ARHGAP22: variants seen among roughly 807,000 people sequenced by gnomAD.
ARHGAP22 encodes Rho GTPase activating protein 22, also known as rho GTPase-activating protein 22.
A neutral mutation model predicts 59.1 loss-of-function variants in ARHGAP22; 48 were observed. The ratio of observed to expected loss-of-function variants is 0.81; its 90% CI spans 0.64 to 1.03. The LOEUF is 1.03. Ranked by LOEUF, ARHGAP22 falls within the 50% of genes least tolerant of loss-of-function variation. ARHGAP22 has a pLI of 0.00. For synonymous variants in ARHGAP22, 445 were observed against 416.4 expected (o/e 1.07, Z -0.84); for missense variants, 1,015 against 958.7 (o/e 1.06, Z -0.78).
At chr10:48,639,838 C>T (rs974601351) in intron 1 of ARHGAP22, among the ~76,000 whole-genome samples, 2 of 151,742 alleles carry the variant, frequency 1.3e-5, no homozygotes, top group East Asian at 3.9e-4. Flanking sequence ...AAAAGTGTGA[C>T]TCATATGTAA....
At position 48,644,634 on chromosome 10, in the gene ARHGAP22, C is replaced by A. The variant is rs377663832; in HGVS notation, c.52+7600G>T. Among the ~76,000 whole-genome samples the A allele has an allele frequency of 3.9e-5, 6 of 152,008 alleles. No individual in the cohort carries two copies. The South Asian group carries it at 1.0e-3, about 26-fold the overall frequency. ...AACAACAGAAAGCGATTTTGGAAAC[C>A]CTCAAATATTTGGAAGTTGAACAAC... On this transcript the variant is annotated intron_variant, in intron 1 of 9. Transcript: ENST00000435790.
chr10:48,531,669 AGAAGTGAGGGCACCGAAGTACAG>A (rs1424609925), intron 3 of ARHGAP22, among the ~76,000 whole-genome samples: 4 of 4,360 alleles, frequency 9.2e-4, no homozygotes, highest in East Asian at 2.3e-3. Context: ...CGAAGTACAG[AGAAGTGAGGGCACCGAAGTACAG>A]AGAAGTGAAG....
chr10:48,566,321 A>T (rs991746129), intron 2 of ARHGAP22, among the ~76,000 whole-genome samples: 1 of 152,158 alleles, frequency 6.6e-6, no homozygotes, highest in Non-Finnish European at 1.5e-5. Context: ...CCAGGAACTG[A>T]ATGTCTCTGA....
At chr10:48,520,214 C>T (rs1027865383) in intron 3 of ARHGAP22, among the ~76,000 whole-genome samples, 5 of 152,136 alleles carry the variant, frequency 3.3e-5, no homozygotes, top group South Asian at 2.1e-4. Flanking sequence ...GAGGGAATCT[C>T]GGAGGCATTT....
rs143321875 is a variant in ARHGAP22 at position 48,489,935 on chromosome 10, G to A, written c.323-10171C>T. Among the ~76,000 whole-genome samples the A allele has an allele frequency of 4.4e-3, 671 of 152,094 alleles. 3 individuals are homozygous for A. The highest frequency in any genetic ancestry group is 0.016 in the African/African-American group (649 of 41,470). On this transcript the variant is annotated intron_variant, in intron 3 of 9. Transcript: ENST00000249601. ...TTTTTAGTAGAGATGGGGTTTCACC[G>A]TGTTAGCCAGGATGGTCTGGATCTC...
At chr10:48,599,709 A>G (rs2098762716) in intron 1 of ARHGAP22, among the ~76,000 whole-genome samples, 1 of 152,188 alleles carries the variant, frequency 6.6e-6, no homozygotes, top group Non-Finnish European at 1.5e-5. Flanking sequence ...TCTGTGGCCC[A>G]TCAGTTCCCC....
intron 3 of ARHGAP22, among the ~76,000 whole-genome samples, chr10:48,524,446 C>G (rs1365006894): frequency 6.6e-6 from 1 of 151,104 alleles, no homozygotes; most frequent in African/African-American, 2.4e-5. Flanking sequence ...TGCCGGGCCG[C>G]GCGCTCTCCC....
chr10:48,450,611 G>A lies in ARHGAP22; in HGVS notation c.1518C>T (p.Ser506=). The A allele has an allele frequency of 6.5e-7, 1 of 1,548,216 alleles. No individual in the cohort carries two copies. The highest frequency in any genetic ancestry group is 8.7e-7 in the Non-Finnish European group (1 of 1,146,766). The change falls in exon 9 of 10, where the codon AGC becomes AGT. Residue 506 remains serine, a synonymous_variant. Coordinates refer to ENST00000249601, the MANE Select transcript of ARHGAP22 (RefSeq NM_021226.4). ...PAPGLVPGIP[S]VASMAWSGAS... is the part of the protein sequence containing the mutation. ...CCCCGGACCACGCCATACTGGCCAC[G>A]CTGGGTATGCCGGGGACCAGGCCCG... is the stretch of plus-strand genomic sequence containing the variant.
At chr10:48,442,376 A>G (rs552637519), downstream of ARHGAP22, among the ~76,000 whole-genome samples, 1 of 152,262 alleles carries the variant, frequency 6.6e-6, no homozygotes, top group South Asian at 2.1e-4. Flanking sequence ...TCGGCTCAGC[A>G]CCCTGGTGTA....
intron 3 of ARHGAP22, among the ~76,000 whole-genome samples, chr10:48,487,296 A>G (rs2049955267): frequency 6.6e-6 from 1 of 152,088 alleles, no homozygotes; most frequent in Admixed American, 6.6e-5. Flanking sequence ...CCCCCCAAAG[A>G]CATCCACATG....
chr10:48,583,196 C>T lies in ARHGAP22; in HGVS notation c.35-44G>A, dbSNP rs756962359. The T allele has an allele frequency of 1.9e-6, 3 of 1,587,768 alleles. No homozygotes were observed. The African/African-American group carries it at 4.0e-5, about 21-fold the overall frequency. On this transcript the variant is annotated intron_variant, in intron 1 of 9. Coordinates refer to ENST00000249601, the MANE Select transcript of ARHGAP22 (RefSeq NM_021226.4). The stretch of plus-strand genomic sequence containing the variant: ...CAGAGTGAGCATGAAGGCAGCGTGC[C>T]TGCTATCAGTCCTGCCCCCATCCTG...
intron 1 of ARHGAP22, among the ~76,000 whole-genome samples, chr10:48,632,994 A>AG (rs1435332411): frequency 2.6e-5 from 4 of 152,196 alleles, no homozygotes; most frequent in African/African-American, 9.7e-5. Context: ...CACCTGCCAG[A>AG]GGACATCACC....
intron 3 of ARHGAP22, among the ~76,000 whole-genome samples, chr10:48,488,483 A>G (rs1073498): frequency 0.95 from 144,008 of 152,276 alleles, 68,645 homozygotes; most frequent in East Asian, 1. Flanking sequence ...CTGTATTTCC[A>G]TAAATATTCT....
chr10:48,436,337 G>C, the ARHGAP22 span: 1 of 152,212 alleles, frequency 6.6e-6, no homozygotes, highest in Non-Finnish European at 1.5e-5. Flanking sequence ...TGCTGCTCCT[G>C]ACAAGTGTAT....
At chr10:48,604,256 G>A (rs548796364) in intron 1 of ARHGAP22, among the ~76,000 whole-genome samples, 135 of 152,290 alleles carry the variant, frequency 8.9e-4, no homozygotes, top group Admixed American at 2.2e-3. Flanking sequence ...CTTTCTGAGT[G>A]TTCTGGCAGG....
intron 1 of ARHGAP22, among the ~76,000 whole-genome samples, chr10:48,610,873 A>C (rs1203904307): frequency 1.3e-5 from 2 of 152,206 alleles, no homozygotes; most frequent in Non-Finnish European, 2.9e-5. Context: ...TAAAAGAGCT[A>C]ACAGCTAGCA....
downstream of ARHGAP22, chr10:48,444,467 G>A (rs2045278267): frequency 6.6e-6 from 1 of 152,240 alleles, no homozygotes; most frequent in Non-Finnish European, 1.5e-5. Context: ...AGATAAGAAT[G>A]CCATTTGCAG....
chr10:48,557,167 AT>A (rs2057362298), intron 2 of ARHGAP22, among the ~76,000 whole-genome samples: 1 of 152,186 alleles, frequency 6.6e-6, no homozygotes, highest in East Asian at 1.9e-4. Flanking sequence ...CTGGAAATAC[AT>A]TAGGATAGCA....
At chr10:48,492,087 C>T (rs1056044671) in intron 3 of ARHGAP22, among the ~76,000 whole-genome samples, 1 of 152,090 alleles carries the variant, frequency 6.6e-6, no homozygotes, top group African/African-American at 2.4e-5. Context: ...TGGCTTTCAA[C>T]TTTTCCATAT....
Sources: gnomAD v4.1 joint callset for allele counts (sites outside exome capture counted in the v4.1 genomes callset) on GRCh38, gnomAD v4.1.1 for gene constraint, MANE v1.5 for transcripts, NCBI Gene and HGNC (gene_info 2026-07-23, HGNC 2026-07-21) for gene names.